STAU1: variants seen among roughly 807,000 people sequenced by gnomAD.
The protein encoded by STAU1 is staufen double-stranded RNA binding protein 1.
Under a neutral mutation model 62.9 loss-of-function variants are expected in STAU1, and 13 were observed. The observed-to-expected ratio is 0.21, with a 90% CI of 0.13 to 0.33. STAU1 has a LOEUF of 0.33. Ranked by LOEUF, STAU1 falls within the 10% of genes least tolerant of loss-of-function variation. The pLI is 1.00. For missense variants in STAU1, 571 were observed against 712.1 expected, an observed-to-expected ratio of 0.80 and a Z score of 2.25; for synonymous variants, 269 against 265.1, an observed-to-expected ratio of 1.01 and a Z score of -0.14.
At position 49,117,741 on chromosome 20, in the gene STAU1, G is replaced by GAGTC; in HGVS notation, c.1509+35_1509+36insGACT. On this transcript the variant is annotated intron_variant, in intron 11 of 13. Transcript: ENST00000371856. This position sits in a 1 kb window ranked among gnomAD's most constrained non-coding sequence, Gnocchi z 4.6. The stretch of plus-strand genomic sequence containing the variant: ...AGAGAAGCCAAAAGATGACTGTCCT[G>GAGTC]AGGCACAGCCATCACAGCTCAGGCC... 6.4e-7 allele frequency: 1 copy of GAGTC among 1,556,890 alleles called. No individual in the cohort carries two copies. Among genetic ancestry groups the GAGTC allele is most frequent in the Non-Finnish European group, 8.7e-7 (1 of 1,150,862 alleles).
intron 3 of STAU1, among the ~76,000 whole-genome samples, chr20:49,157,582 C>T (rs111728079): frequency 3.3e-5 from 5 of 151,552 alleles, no homozygotes; most frequent in African/African-American, 9.7e-5. Context: ...CAGGTTCAAG[C>T]GATTCTCCTG....
the STAU1 span, among the ~76,000 whole-genome samples, chr20:49,206,957 T>A: frequency 1.5e-4 from 22 of 151,428 alleles, no homozygotes; most frequent in African/African-American, 5.1e-4. Context: ...GGTTTCACCA[T>A]GTTGGCCAGG....
intron 4 of STAU1, among the ~76,000 whole-genome samples, chr20:49,153,309 C>T (rs370101959): frequency 1.3e-4 from 19 of 150,360 alleles, no homozygotes; most frequent in African/African-American, 4.6e-4. Flanking sequence ...CACTTTAATC[C>T]TAGCACTGCG....
the STAU1 span, among the ~76,000 whole-genome samples, chr20:49,216,634 AT>A: frequency 1.3e-5 from 2 of 152,312 alleles, no homozygotes; most frequent in East Asian, 3.9e-4. Flanking sequence ...TCTGGGACTG[AT>A]GTGAAACCCC....
chr20:49,195,947 A>G, the STAU1 span, among the ~76,000 whole-genome samples: 1 of 145,922 alleles, frequency 6.9e-6, no homozygotes, highest in Non-Finnish European at 1.5e-5. Flanking sequence ...ACAAAGAAAC[A>G]ACAACGTAAT....
At chr20:49,157,322 T>C (rs1053685820) in intron 3 of STAU1, among the ~76,000 whole-genome samples, 6 of 152,128 alleles carry the variant, frequency 3.9e-5, no homozygotes, top group Non-Finnish European at 7.4e-5. Context: ...ATAACCACCC[T>C]TTTTTTCAGT....
At chr20:49,207,756 G>A in the STAU1 span, among the ~76,000 whole-genome samples, 49,770 of 151,714 alleles carry the variant, frequency 0.33, 8,329 homozygotes, top group East Asian at 0.47. Flanking sequence ...GGCTGACCTC[G>A]TGATCCACCC....
chr20:49,205,126 C>G, the STAU1 span, among the ~76,000 whole-genome samples: 2 of 152,042 alleles, frequency 1.3e-5, no homozygotes, highest in African/African-American at 4.8e-5. Context: ...AATTTAATAC[C>G]AAGTAACCCA....
chr20:49,160,307 A>G (rs2093428844), intron 3 of STAU1, among the ~76,000 whole-genome samples: 1 of 152,234 alleles, frequency 6.6e-6, no homozygotes, highest in African/African-American at 2.4e-5. Context: ...GAAAAGAAAC[A>G]CTTGATTTTA....
intron 6 of STAU1, among the ~76,000 whole-genome samples, chr20:49,129,829 T>C (rs368201908): frequency 3.9e-5 from 6 of 152,062 alleles, no homozygotes; most frequent in African/African-American, 9.7e-5. Context: ...GGTTTCACCA[T>C]GTTGGCCAGG....
At chr20:49,142,747 A>G (rs2093037161) in intron 5 of STAU1, among the ~76,000 whole-genome samples, 1 of 152,202 alleles carries the variant, frequency 6.6e-6, no homozygotes, top group African/African-American at 2.4e-5. Context: ...CAAAGCAGCC[A>G]GTAAAATAAA....
chr20:49,175,966 T>C (rs1479269997), intron 1 of STAU1, among the ~76,000 whole-genome samples: 2 of 151,950 alleles, frequency 1.3e-5, no homozygotes, highest in East Asian at 3.9e-4. Context: ...GGCTAATTTT[T>C]TGTATTTTTA....
chr20:49,216,732 C>T, the STAU1 span, among the ~76,000 whole-genome samples: 1 of 151,894 alleles, frequency 6.6e-6, no homozygotes, highest in African/African-American at 2.4e-5. Flanking sequence ...AAAAGAATGA[C>T]ATGGGACGTG....
In STAU1 at chr20:49,153,939, G is replaced by A; in HGVS notation, c.338C>T (p.Pro113Leu). The change falls in exon 4 of 14, where the codon CCC (proline) becomes CTC (leucine). Residue 113 changes from proline to leucine, a missense_variant. This residue lies in a region of STAU1 where 414 missense variants were observed against 499.6 expected (regional missense o/e 0.83). Transcript: ENST00000371856. ...AAAAAAAAAAAACACATACCTCGGG[G>A]GATAAGCACCTCCTCTCATGTTGTA... ...YNYNMRGGAY[P>L]PRYFYPFPVP... 4 of 1,584,976 alleles carry A rather than the reference G, an allele frequency of 2.5e-6. No homozygotes were observed. Among genetic ancestry groups the A allele is most frequent in the South Asian group, 1.2e-5 (1 of 85,240 alleles).
At chr20:49,169,087 A>T (rs1357836136) in intron 2 of STAU1, among the ~76,000 whole-genome samples, 1 of 151,528 alleles carries the variant, frequency 6.6e-6, no homozygotes, top group East Asian at 1.9e-4. Context: ...AGTACTTAGG[A>T]TTACAGGCGT....
intron 5 of STAU1, among the ~76,000 whole-genome samples, chr20:49,137,388 G>C (rs778295876): frequency 6.6e-6 from 1 of 152,120 alleles, no homozygotes; most frequent in East Asian, 1.9e-4. Context: ...TTACTTCTGC[G>C]TGCTGATAAC....
the STAU1 span, among the ~76,000 whole-genome samples, chr20:49,204,613 TA>T: frequency 1.1e-4 from 5 of 45,064 alleles, no homozygotes; most frequent in African/African-American, 2.6e-4. Context: ...TATATATATA[TA>T]TATATATATG....
chr20:49,197,479 C>A, the STAU1 span, among the ~76,000 whole-genome samples: 1 of 150,956 alleles, frequency 6.6e-6, no homozygotes, highest in Non-Finnish European at 1.5e-5. Context: ...TCAGCTCACT[C>A]CACCTCTGCC....
At position 49,125,080 on chromosome 20, in the gene STAU1, A is replaced by AAAAG. The variant is rs1253832037; in HGVS notation, c.610-494_610-493insCTTT. ...CCCCGCACACATTAAGTAAAAAAAA[A>AAAAG]AAAAAAAAAAACCCACAAAAGAGTA... On this transcript the variant is annotated intron_variant, in intron 6 of 13. Coordinates refer to ENST00000371856, the MANE Select transcript of STAU1 (RefSeq NM_017453.4). Among the ~76,000 whole-genome samples, 29 of 150,570 alleles carry AAAAG rather than the reference A, an allele frequency of 1.9e-4. 1 individual carries two copies. In the South Asian group the frequency reaches 5.7e-3, roughly 29 times the overall value.
Sources: allele counts gnomAD v4.1 joint callset (sites outside exome capture counted in the v4.1 genomes callset), GRCh38; gene constraint gnomAD v4.1.1; regional missense constraint gnomAD v4.1.1; non-coding constraint Gnocchi (gnomAD v3.1); transcripts MANE v1.5; gene names NCBI Gene and HGNC (gene_info 2026-07-23, HGNC 2026-07-21).